Variants in ZKSCAN5 observed in about 807,000 individuals in gnomAD.
The protein encoded by ZKSCAN5 is zinc finger with KRAB and SCAN domains 5, also known as zinc finger protein with KRAB and SCAN domains 5.
In ZKSCAN5, 28 loss-of-function variants were observed where a neutral mutation model predicts 60.0. The observed-to-expected ratio is 0.47, with a 90% confidence interval of 0.35 to 0.64. The LOEUF is 0.64. Among genes scored for constraint, ZKSCAN5 ranks in the 30% least tolerant of loss-of-function variants. The pLI, the probability that ZKSCAN5 is intolerant of heterozygous loss-of-function variation, is 0.01. For missense variants in ZKSCAN5, 881 were observed against 1,034.6 expected, an observed-to-expected ratio of 0.85 and a Z score of 2.04; for synonymous variants, 361 against 371.2, an observed-to-expected ratio of 0.97 and a Z score of 0.31.
chr7:99,520,722 A>C (rs1338104867), intron 5 of ZKSCAN5, among the ~76,000 whole-genome samples: 1 of 152,042 alleles, frequency 6.6e-6, no homozygotes, highest in Non-Finnish European at 1.5e-5. Flanking sequence ...TAATTTTGCC[A>C]GGTGTGGTAG....
rs781633876 is a variant in ZKSCAN5, at chr7:99,525,908, G to A, written c.868G>A (p.Val290Ile). 3.1e-5 allele frequency: 50 copies of A among 1,613,896 alleles called. No homozygotes were observed. Among genetic ancestry groups the A allele is most frequent in the South Asian group, 4.4e-5 (4 of 91,074 alleles). Reference protein sequence around the residue: ...WVAPEHTERSVPQDPDFAEVS... With the variant: ...WVAPEHTERSIPQDPDFAEVS... ...GGCGCCAGAACACACCGAAAGGAGCGTTCCTCAGGATCCAGACTTTGCAGA... is the reference window on the plus strand; with the variant it reads ...GGCGCCAGAACACACCGAAAGGAGCATTCCTCAGGATCCAGACTTTGCAGA... The change falls in exon 6 of 7, where the codon GTT becomes ATT. Residue 290 changes from valine (V) to isoleucine (I), a missense_variant. Val to Ile is a conservative substitution (Grantham distance 29). Transcript: ENST00000326775.
intron 2 of ZKSCAN5, among the ~76,000 whole-genome samples, chr7:99,506,849 ATTTTTTTTTT>A (rs34098119): frequency 7.9e-6 from 1 of 125,920 alleles, no homozygotes; most frequent in Non-Finnish European, 1.7e-5. Context: ...GGCCCGGCTA[ATTTTTTTTTT>A]TTTTTTTTTT....
At chr7:99,523,801 G>T (rs530446518) in intron 5 of ZKSCAN5, among the ~76,000 whole-genome samples, 6 of 152,200 alleles carry the variant, frequency 3.9e-5, no homozygotes, top group South Asian at 4.1e-4. Flanking sequence ...TTTTAGGAAG[G>T]TAAGTAAAAG....
At chr7:99,509,012 G>A (rs1296914773) in intron 2 of ZKSCAN5, among the ~76,000 whole-genome samples, 3 of 150,862 alleles carry the variant, frequency 2.0e-5, no homozygotes, top group African/African-American at 7.3e-5. Flanking sequence ...TTTTTGAGGT[G>A]GAGTCTCACT....
Position 99,531,634 on chromosome 7 carries a change from T to C in ZKSCAN5, c.1905T>C (p.Cys635=). 6.2e-7 allele frequency: 1 copy of C among 1,614,148 alleles called. No individual in the cohort carries two copies. The change falls in exon 7 of 7, where the codon TGT becomes TGC. Residue 635 remains cysteine, a synonymous_variant. Transcript: ENST00000326775. ...ACAGTGGGGAGAGACCCTTCAAGTG[T>C]AACGAATGTGGGAAAGGCTTTGGGA... ...SVHSGERPFK[C]NECGKGFGRR...
chr7:99,527,175 T>G (rs1458899931), intron 6 of ZKSCAN5, among the ~76,000 whole-genome samples: 3 of 151,942 alleles, frequency 2.0e-5, no homozygotes, highest in Admixed American at 6.6e-5. Flanking sequence ...ACAAAAAAAT[T>G]TAAAAATTAC....
Position 99,506,085 on chromosome 7 carries a change from C to G in ZKSCAN5, c.41C>G (p.Pro14Arg). 1.2e-6 allele frequency: 2 copies of G among 1,614,136 alleles called. No individual in the cohort carries two copies. Among genetic ancestry groups the G allele is most frequent in the Non-Finnish European group, 8.5e-7 (1 of 1,180,026 alleles). ...TESREVIDLDPPAETSQEQED... is the reference protein window; with the variant it reads ...TESREVIDLDRPAETSQEQED... ...TCCCGAGAAGTTATAGACTTAGACCCCCCAGCTGAGACTTCCCAGGAGCAG... is the reference window on the plus strand; with the variant it reads ...TCCCGAGAAGTTATAGACTTAGACCGCCCAGCTGAGACTTCCCAGGAGCAG... Residue 14 changes from proline to arginine, a missense_variant, in exon 2 of 7, where the codon CCC becomes CGC. By Grantham distance (103) the Pro-to-Arg change is moderately radical. This residue lies in a region of ZKSCAN5 where 88 missense variants were observed against 65.2 expected (regional missense o/e 1.35). Transcript: ENST00000326775.
At chr7:99,507,854 T>C (rs1304016460) in intron 2 of ZKSCAN5, among the ~76,000 whole-genome samples, 1 of 151,656 alleles carries the variant, frequency 6.6e-6, no homozygotes, top group Non-Finnish European at 1.5e-5. Context: ...TGCAGTGAGC[T>C]GTGATTTTGC....
chr7:99,526,700 G>A (rs1041252863), intron 6 of ZKSCAN5, among the ~76,000 whole-genome samples: 3 of 152,096 alleles, frequency 2.0e-5, no homozygotes, highest in Non-Finnish European at 2.9e-5. Flanking sequence ...GACAACAGGC[G>A]CGCACCAGCA....
chr7:99,526,761 G>C (rs1353759253), intron 6 of ZKSCAN5, among the ~76,000 whole-genome samples: 1 of 152,108 alleles, frequency 6.6e-6, no homozygotes, highest in Admixed American at 6.6e-5. Flanking sequence ...CCCCATGTTG[G>C]CTAGGCTGGT....
rs1801084511 is a variant in ZKSCAN5 at position 99,512,553 on chromosome 7, A to C, written c.515A>C (p.Glu172Ala). The C allele has an allele frequency of 6.2e-7, 1 of 1,614,176 alleles. No individual in the cohort carries two copies. Among genetic ancestry groups the C allele is most frequent in the African/African-American group, 1.3e-5 (1 of 75,058 alleles). Residue 172 changes from glutamate to alanine, a missense_variant, in exon 3 of 7, where the codon GAG (glutamate) becomes GCG (alanine). Physicochemically the swap from Glu to Ala is moderately radical, Grantham distance 107. This residue lies in a region of ZKSCAN5 where 490 missense variants were observed against 554.5 expected (regional missense o/e 0.88). Transcript: ENST00000326775. ...CCCCTGACCGTGGACACCCAGCCTGAGCAAGCGCCACAGAAGCCTCGTCTC... is the reference window on the plus strand; with the variant it reads ...CCCCTGACCGTGGACACCCAGCCTGCGCAAGCGCCACAGAAGCCTCGTCTC... ...PHPLTVDTQP[E>A]QAPQKPRLLE...
Position 99,520,160 on chromosome 7 carries a change from C to G in ZKSCAN5, c.637-9C>G, listed in dbSNP as rs759345315. 3.1e-6 allele frequency: 5 copies of G among 1,611,020 alleles called. No homozygotes were observed. In the South Asian group the frequency reaches 4.4e-5, roughly 14 times the overall value. ...GGAATGAGAATTTAGTGGAGATCTC[C>G]TGTTTCAGAAGTTGGTGAAAATTGA... On this transcript the variant is annotated splice_polypyrimidine_tract_variant and intron_variant, in intron 4 of 6. Transcript: ENST00000326775.
Position 99,525,842 on chromosome 7 carries a change from A to G in ZKSCAN5, c.802A>G (p.Ile268Val), listed in dbSNP as rs1801756467. 1.2e-6 allele frequency: 2 copies of G among 1,612,848 alleles called. No homozygotes were observed. Among genetic ancestry groups the G allele is most frequent in the Non-Finnish European group, 1.7e-6 (2 of 1,178,930 alleles). Residue 268 changes from isoleucine to valine, a missense_variant, in exon 6 of 7, where the codon ATA (isoleucine) becomes GTA (valine). By Grantham distance (29) the Ile-to-Val change is conservative (BLOSUM62 3). Coordinates refer to ENST00000326775, the MANE Select transcript of ZKSCAN5 (RefSeq NM_145102.4). ...GYESRDNMEL[I>V]VKQISDDSES... is the part of the protein sequence containing the mutation. ...TGAGTCCAGGGACAATATGGAGCTC[A>G]TAGTGAAGCAGATTTCTGATGACTC...
intron 5 of ZKSCAN5, among the ~76,000 whole-genome samples, chr7:99,521,468 T>A (rs1460248609): frequency 6.6e-6 from 1 of 152,128 alleles, no homozygotes; most frequent in Non-Finnish European, 1.5e-5. Context: ...AGTGTTGGGA[T>A]TAACAGGTGT....
chr7:99,526,158 C>T lies in ZKSCAN5; in HGVS notation c.1118C>T (p.Pro373Leu). ...QHRRIHTGEK[P>L]FKCGECGKSY... ...CGGCGCATCCACACTGGAGAAAAAC[C>T]GTTTAAGTGCGGAGAATGTGGGAAG... Residue 373 changes from proline (P) to leucine (L), a missense_variant, in exon 6 of 7, where the codon CCG (proline) becomes CTG (leucine). Physicochemically the swap from Pro to Leu is moderately conservative, Grantham distance 98. Around this residue, in one of 5 missense-constraint regions of ZKSCAN5, gnomAD observed 490 missense variants for 554.5 expected, o/e 0.88. Coordinates refer to ENST00000326775, the MANE Select transcript of ZKSCAN5 (RefSeq NM_145102.4). 6.2e-7 allele frequency: 1 copy of T among 1,614,198 alleles called. No individual in the cohort carries two copies. The highest frequency in any genetic ancestry group is 1.1e-5 in the South Asian group (1 of 91,082).
chr7:99,531,823 T>C lies in ZKSCAN5; in HGVS notation c.2094T>C (p.Tyr698=). The change falls in exon 7 of 7, where the codon TAT becomes TAC. Residue 698 remains tyrosine, a synonymous_variant. Transcript: ENST00000326775. ...AAAATGGCATCTGTGAGGAAGCATA[T>C]AGTTGGAACTTGACAGTGATTGAAG... The part of the protein sequence containing the change: ...NEKNGICEEA[Y]SWNLTVIEDK... 1 of 1,614,158 alleles carries C rather than the reference T, an allele frequency of 6.2e-7. No individual in the cohort carries two copies. The highest frequency in any genetic ancestry group is 8.5e-7 in the Non-Finnish European group (1 of 1,180,040).
At chr7:99,527,348 C>T (rs186255653) in intron 6 of ZKSCAN5, among the ~76,000 whole-genome samples, 4 of 152,060 alleles carry the variant, frequency 2.6e-5, no homozygotes, top group African/African-American at 4.8e-5. Context: ...AAATAACAAA[C>T]AAACACAAAC....
chr7:99,517,142 C>A (rs538326061), intron 3 of ZKSCAN5, among the ~76,000 whole-genome samples: 21 of 152,186 alleles, frequency 1.4e-4, no homozygotes, highest in African/African-American at 4.6e-4. Context: ...CTCAGTTCAG[C>A]GCAACCTCTG....
chr7:99,531,309 C>G lies in ZKSCAN5; in HGVS notation c.1580C>G (p.Ser527Ter). 6.2e-7 allele frequency: 1 copy of G among 1,614,150 alleles called. No homozygotes were observed. Among genetic ancestry groups the G allele is most frequent in the Non-Finnish European group, 8.5e-7 (1 of 1,180,022 alleles). Residue 527 changes from serine to a stop codon, truncating the protein, a stop_gained, in exon 7 of 7, where the codon TCA becomes TGA. Transcript: ENST00000326775. LOFTEE classifies it high-confidence loss of function. ...PMKEILGQPS[S>*]KRMNYSEVPY... The stretch of plus-strand genomic sequence containing the variant: ...AAAGAGATACTAGGACAACCATCTT[C>G]AAAGAGGATGAACTACAGTGAAGTC...
Sources: allele counts gnomAD v4.1 joint callset (sites outside exome capture counted in the v4.1 genomes callset), GRCh38; gene constraint gnomAD v4.1.1; regional missense constraint gnomAD v4.1.1; transcripts MANE v1.5; gene names NCBI Gene and HGNC (gene_info 2026-07-23, HGNC 2026-07-21).